CNTNAP2: variants seen among roughly 807,000 people sequenced by gnomAD.
The protein encoded by CNTNAP2 is contactin associated protein 2.
CNTNAP2 carries 98 observed loss-of-function variants against 155.2 expected under a neutral mutation model. The observed-to-expected ratio is 0.63, with a 90% confidence interval of 0.54 to 0.75. The LOEUF is 0.75. Ranked by LOEUF, CNTNAP2 falls within the 30% of genes least tolerant of loss-of-function variation. The probability of loss-of-function intolerance (pLI) is 0.00; values close to 1 mark genes in which losing one functional copy is unlikely to be tolerated. For synonymous variants in CNTNAP2, 651 were observed against 631.2 expected (o/e 1.03, Z -0.47); for missense variants, 1,727 against 1,688.1 (o/e 1.02, Z -0.40).
At chr7:147,500,094 T>TAAAAA (rs58019031) in intron 11 of CNTNAP2, among the ~76,000 whole-genome samples, 21,748 of 151,244 alleles carry the variant, frequency 0.14, 2,173 homozygotes, top group East Asian at 0.32. Flanking sequence ...GATTTTTTTT[T>TAAAAA]AAAAAAACTG....
chr7:146,650,723 C>A (rs344480), intron 1 of CNTNAP2, among the ~76,000 whole-genome samples: 90,744 of 151,866 alleles, frequency 0.6, 27,744 homozygotes, highest in South Asian at 0.65. Flanking sequence ...ATTTCACCCC[C>A]TCGATATAAT....
chr7:146,617,763 A>G (rs957830509), intron 1 of CNTNAP2, among the ~76,000 whole-genome samples: 1 of 152,152 alleles, frequency 6.6e-6, no homozygotes, highest in African/African-American at 2.4e-5. Flanking sequence ...GAAACAAAAT[A>G]TTTTTTTAAA....
intron 14 of CNTNAP2, among the ~76,000 whole-genome samples, chr7:147,914,537 T>C: frequency 7.1e-6 from 1 of 141,180 alleles, no homozygotes; most frequent in East Asian, 2.2e-4. Flanking sequence ...CGAAACTCCA[T>C]CTAACCAAAA....
intron 13 of CNTNAP2, among the ~76,000 whole-genome samples, chr7:147,668,639 A>AC (rs1449602291): frequency 2.0e-5 from 3 of 152,220 alleles, no homozygotes; most frequent in African/African-American, 7.2e-5. Flanking sequence ...GATTGAAAAA[A>AC]TATTTAAAAA....
At chr7:148,368,965 C>G (rs1446786108) in intron 21 of CNTNAP2, among the ~76,000 whole-genome samples, 1 of 152,122 alleles carries the variant, frequency 6.6e-6, no homozygotes, top group Non-Finnish European at 1.5e-5. Flanking sequence ...GGTTCCTAGG[C>G]ACTGGGCTAC....
intron 12 of CNTNAP2, among the ~76,000 whole-genome samples, chr7:147,565,351 TG>T (rs916370956): frequency 5.3e-5 from 8 of 151,282 alleles, no homozygotes; most frequent in Non-Finnish European, 1.2e-4. Flanking sequence ...CCATAAGGAG[TG>T]TAGGGCAGAA....
At chr7:146,353,322 A>C (rs1170919527) in intron 1 of CNTNAP2, among the ~76,000 whole-genome samples, 1 of 152,118 alleles carries the variant, frequency 6.6e-6, no homozygotes, top group Non-Finnish European at 1.5e-5. Flanking sequence ...CACGGTCTTC[A>C]CTTGGCTTCA....
chr7:147,368,865 T>C (rs1796291081), intron 9 of CNTNAP2, among the ~76,000 whole-genome samples: 1 of 152,210 alleles, frequency 6.6e-6, no homozygotes, highest in African/African-American at 2.4e-5. Context: ...ATACCTACTA[T>C]GTATAAGATG....
intron 3 of CNTNAP2, among the ~76,000 whole-genome samples, chr7:146,973,600 C>T (rs554583149): frequency 1.3e-5 from 2 of 152,138 alleles, no homozygotes; most frequent in South Asian, 4.2e-4. Context: ...AAATCAATAC[C>T]ATCATGAGAC....
chr7:147,350,846 TA>T (rs1308476550), intron 9 of CNTNAP2, among the ~76,000 whole-genome samples: 1 of 151,836 alleles, frequency 6.6e-6, no homozygotes, highest in Non-Finnish European at 1.5e-5. Flanking sequence ...TTAAAGTACC[TA>T]AAAAAATTTA....
chr7:147,800,984 G>C (rs1421198270), intron 13 of CNTNAP2, among the ~76,000 whole-genome samples: 1 of 152,180 alleles, frequency 6.6e-6, no homozygotes, highest in Non-Finnish European at 1.5e-5. Flanking sequence ...GTTTGTGTAA[G>C]TATGCTCTAT....
At chr7:146,383,017 T>G (rs1795412329) in intron 1 of CNTNAP2, among the ~76,000 whole-genome samples, 1 of 152,174 alleles carries the variant, frequency 6.6e-6, no homozygotes, top group South Asian at 2.1e-4. Flanking sequence ...TTTCAACCTT[T>G]TGAAATACCA....
Position 146,928,238 on chromosome 7 carries a change from A to C in CNTNAP2, c.402+88334A>C, listed in dbSNP as rs181755496. 3.0e-3 allele frequency among the ~76,000 whole-genome samples: 450 copies of C among 152,260 alleles called. 1 individual carries two copies. The highest frequency in any genetic ancestry group is 5.1e-3 in the Non-Finnish European group (346 of 68,020). Reference sequence around the variant, plus strand: ...TATTCAACTGTATTGTTTTACCATAAATTTTGCAATAAAATCCCTGTCATT... The same window carrying C: ...TATTCAACTGTATTGTTTTACCATACATTTTGCAATAAAATCCCTGTCATT... On this transcript the variant is annotated intron_variant, in intron 3 of 23. Coordinates refer to ENST00000361727, the MANE Select transcript of CNTNAP2 (RefSeq NM_014141.6).
chr7:148,200,645 C>A (rs1795355124), intron 18 of CNTNAP2, among the ~76,000 whole-genome samples: 1 of 152,142 alleles, frequency 6.6e-6, no homozygotes. Flanking sequence ...TCTATGATAA[C>A]CTTCAAAATA....
rs868003595 is a variant in CNTNAP2 at position 148,331,690 on chromosome 7, C to T, written c.3476-51959C>T. On this transcript the variant is annotated intron_variant, in intron 21 of 23. Coordinates refer to ENST00000361727, the MANE Select transcript of CNTNAP2 (RefSeq NM_014141.6). ...GGATGGAGTGGATGGATGGAATGGA[C>T]GGATGGAGTGGATGGATGGAGTGGA... Among the ~76,000 whole-genome samples, 185 of 145,740 alleles carry T rather than the reference C, an allele frequency of 1.3e-3. 4 individuals are homozygous for T. Among genetic ancestry groups the T allele is most frequent in the South Asian group, 5.6e-3 (24 of 4,270 alleles).
At chr7:146,787,259 G>A (rs1172272215) in intron 2 of CNTNAP2, among the ~76,000 whole-genome samples, 1 of 152,158 alleles carries the variant, frequency 6.6e-6, no homozygotes, top group African/African-American at 2.4e-5. Context: ...AGGCTTCTAT[G>A]GTACTGTGTG....
chr7:146,490,336 GA>G (rs1226138205), intron 1 of CNTNAP2, among the ~76,000 whole-genome samples: 3 of 152,092 alleles, frequency 2.0e-5, no homozygotes, highest in African/African-American at 7.2e-5. Context: ...TCCAAAGGAA[GA>G]AAAAGGCAAT....
intron 1 of CNTNAP2, among the ~76,000 whole-genome samples, chr7:146,222,271 G>C (rs574708457): frequency 6.6e-6 from 1 of 152,134 alleles, no homozygotes. Context: ...CAAGAGAAAG[G>C]ATACTTTGTA....
At chr7:146,721,451 T>A (rs1331142659) in intron 1 of CNTNAP2, among the ~76,000 whole-genome samples, 1 of 128,128 alleles carries the variant, frequency 7.8e-6, no homozygotes, top group Non-Finnish European at 1.5e-5. Context: ...ATATACATTC[T>A]ATATACATTT....
Sources: gnomAD v4.1 joint callset for allele counts (sites outside exome capture counted in the v4.1 genomes callset) on GRCh38, gnomAD v4.1.1 for gene constraint, MANE v1.5 for transcripts, NCBI Gene and HGNC (gene_info 2026-07-23, HGNC 2026-07-21) for gene names.